The following ZNF410 variants were observed in gnomAD, a reference collection of about 807,000 sequenced individuals.
ZNF410 encodes the protein zinc finger protein 410.
In ZNF410, 18 loss-of-function variants were observed where a neutral mutation model predicts 54.8. That is an observed-to-expected ratio of 0.33 (90% CI 0.23 to 0.49). The LOEUF (loss-of-function observed/expected upper bound fraction) is 0.49. Among genes scored for constraint, ZNF410 ranks in the 20% least tolerant of loss-of-function variants. The probability of loss-of-function intolerance (pLI) is 0.99; values close to 1 mark genes in which losing one functional copy is unlikely to be tolerated. For synonymous variants in ZNF410, 191 were observed against 207.3 expected, an observed-to-expected ratio of 0.92 and a Z score of 0.68; for missense variants, 405 against 569.6, an observed-to-expected ratio of 0.71 and a Z score of 2.94.
intron 11 of ZNF410, 110 bp from the exon 12 acceptor site, chr14:73,931,393 C>A: frequency 2.2e-6 from 2 of 889,202 alleles, no homozygotes; most frequent in Non-Finnish European, 1.7e-6. Context: ...AGCCTTCATT[C>A]ACCCCTGTAG....
intron 6 of ZNF410, among the ~76,000 whole-genome samples, chr14:73,904,439 G>A (rs116494244): frequency 0.016 from 2,420 of 152,162 alleles, 55 homozygotes; most frequent in African/African-American, 0.056. Context: ...TTAAGGGGTG[G>A]TGCTAGGCAT....
chr14:73,887,778 T>A (rs552000559), intron 1 of ZNF410, among the ~76,000 whole-genome samples: 55 of 152,214 alleles, frequency 3.6e-4, no homozygotes, highest in Non-Finnish European at 6.8e-4. Flanking sequence ...AGTCAGAAGT[T>A]TTAAGTTCTA....
intron 9 of ZNF410, among the ~76,000 whole-genome samples, chr14:73,921,675 C>T (rs2055756839): frequency 6.6e-6 from 1 of 152,082 alleles, no homozygotes; most frequent in South Asian, 2.1e-4. Flanking sequence ...CGGGGTTTCA[C>T]CATGTTGGCC....
At chr14:73,897,985 A>AT in intron 4 of ZNF410, 86 bp from the exon 5 acceptor site, 1 of 1,292,368 alleles carries the variant, frequency 7.7e-7, no homozygotes, top group Non-Finnish European at 1.0e-6. Flanking sequence ...AAAAAAAAAA[A>AT]AAAAAGGGAC....
chr14:73,909,962 A>G (rs548245163), intron 8 of ZNF410, among the ~76,000 whole-genome samples: 6 of 152,226 alleles, frequency 3.9e-5, no homozygotes, highest in South Asian at 4.2e-4. Context: ...TTAGTGACCC[A>G]TTTTCTGTTT....
At chr14:73,898,405 A>G (rs2140299545) in intron 5 of ZNF410, 143 bp downstream of exon 5, 1 of 964,870 alleles carries the variant, frequency 1.0e-6, no homozygotes, top group South Asian at 1.7e-5. Context: ...TTTAAATTTT[A>G]TTTTCTATAA....
At position 73,923,416 on chromosome 14, in the gene ZNF410, C is replaced by T. The variant is rs2055782915; in HGVS notation, c.1292C>T (p.Pro431Leu). The T allele has an allele frequency of 6.2e-7, 1 of 1,613,690 alleles. No individual in the cohort carries two copies. Among genetic ancestry groups the T allele is most frequent in the Non-Finnish European group, 8.5e-7 (1 of 1,179,860 alleles). ...ACAGAGGTGCTTGCTGAAGGATCCCCACGTTCCCTGTCTTCAGTGCCTGAT... is the reference window on the plus strand; with the variant it reads ...ACAGAGGTGCTTGCTGAAGGATCCCTACGTTCCCTGTCTTCAGTGCCTGAT... Reference protein sequence around the residue: ...VDDEVLAEGSPRSLSSVPDVT... With the variant: ...VDDEVLAEGSLRSLSSVPDVT... Residue 431 changes from proline to leucine, a missense_variant, in exon 11 of 12, where the codon CCA becomes CTA. Transcript: ENST00000555044.
intron 8 of ZNF410, among the ~76,000 whole-genome samples, chr14:73,910,108 A>T (rs1321244303): frequency 6.6e-6 from 1 of 152,138 alleles, no homozygotes; most frequent in Non-Finnish European, 1.5e-5. Flanking sequence ...TTCCTGTAGG[A>T]CATGGTGATT....
At position 73,917,483 on chromosome 14, in the gene ZNF410, T is replaced by C. The variant is rs1473286989; in HGVS notation, c.1004-3497T>C. The stretch of plus-strand genomic sequence containing the variant: ...TGCATATACAAGCAAATGCAGGTTA[T>C]TTAAGTTGAGATATAGTTCACATAC... On this transcript the variant is annotated intron_variant, in intron 8 of 11. Transcript: ENST00000555044. 5.9e-5 allele frequency among the ~76,000 whole-genome samples: 9 copies of C among 152,296 alleles called. No individual in the cohort carries two copies. In the South Asian group the frequency reaches 1.9e-3, roughly 32 times the overall value.
chr14:73,905,410 A>C lies in ZNF410; in HGVS notation c.913+327A>C, dbSNP rs1010792485. 2.0e-5 allele frequency: 4 copies of C among 200,070 alleles called. No homozygotes were observed. In the East Asian group the frequency reaches 4.7e-4, roughly 24 times the overall value. The allele number at this position is 200,070 out of a possible 1,614,324, so 12.4% of individuals were successfully genotyped here. ...GTTCAAATCTTTCTGAACACTGCGC[A>C]GTTATGATTTTGGGCAGTAACATTT... On this transcript the variant is annotated intron_variant, in intron 7 of 11. Coordinates refer to ENST00000555044, the MANE Select transcript of ZNF410 (RefSeq NM_021188.3).
At chr14:73,890,884 C>T (rs1027581122) in intron 1 of ZNF410, among the ~76,000 whole-genome samples, 1 of 151,988 alleles carries the variant, frequency 6.6e-6, no homozygotes, top group Admixed American at 6.6e-5. Context: ...GTGTCTCATG[C>T]CTGTAATCCC....
intron 5 of ZNF410, among the ~76,000 whole-genome samples, chr14:73,903,120 AGT>A (rs1277262079): frequency 1.5e-4 from 23 of 152,296 alleles, no homozygotes; most frequent in African/African-American, 5.5e-4. Flanking sequence ...CTTAAAATAC[AGT>A]GGGATTTTTT....
At chr14:73,900,834 T>G (rs2055394874) in intron 5 of ZNF410, among the ~76,000 whole-genome samples, 1 of 152,226 alleles carries the variant, frequency 6.6e-6, no homozygotes, top group South Asian at 2.1e-4. Context: ...TATGAGATTT[T>G]TTTGTTTGTT....
chr14:73,911,765 A>G (rs547456600), intron 8 of ZNF410, among the ~76,000 whole-genome samples: 1 of 152,286 alleles, frequency 6.6e-6, no homozygotes, highest in African/African-American at 2.4e-5. Context: ...GTTTGTTTAA[A>G]TCAGGATCCA....
chr14:73,917,664 A>T (rs2055688588), intron 8 of ZNF410, among the ~76,000 whole-genome samples: 1 of 152,066 alleles, frequency 6.6e-6, no homozygotes, highest in Non-Finnish European at 1.5e-5. Context: ...CTCTACTAAA[A>T]ATACAAAAAT....
At chr14:73,901,084 C>T (rs2055398967) in intron 5 of ZNF410, among the ~76,000 whole-genome samples, 1 of 152,196 alleles carries the variant, frequency 6.6e-6, no homozygotes, top group Non-Finnish European at 1.5e-5. Flanking sequence ...GTTATCTTCA[C>T]TTACAGTCTA....
intron 11 of ZNF410, 63 bp downstream of exon 11, chr14:73,923,585 G>A: frequency 6.4e-7 from 1 of 1,553,984 alleles, no homozygotes; most frequent in Admixed American, 2.0e-5. Context: ...TGAGAATTTA[G>A]AGGACCTGAA....
At chr14:73,903,195 C>G (rs1380636888) in intron 5 of ZNF410, among the ~76,000 whole-genome samples, 1 of 152,142 alleles carries the variant, frequency 6.6e-6, no homozygotes, top group Non-Finnish European at 1.5e-5. Flanking sequence ...GTGGTGCAAT[C>G]TCGGCTCACT....
chr14:73,929,403 G>T (rs1316096866), intron 11 of ZNF410, among the ~76,000 whole-genome samples: 2 of 152,052 alleles, frequency 1.3e-5, no homozygotes, highest in African/African-American at 2.4e-5. Context: ...GAAGGTGAAG[G>T]CTATTTGCAA....
Sources: allele counts gnomAD v4.1 joint callset (sites outside exome capture counted in the v4.1 genomes callset), GRCh38; gene constraint gnomAD v4.1.1; transcripts MANE v1.5; gene names NCBI Gene and HGNC (gene_info 2026-07-23, HGNC 2026-07-21).